OSBP2: variants seen among roughly 807,000 people sequenced by gnomAD.
OSBP2 encodes oxysterol binding protein 2.
In OSBP2, 66 loss-of-function variants were observed where a neutral mutation model predicts 96.0. The observed-to-expected ratio is 0.69, with a 90% CI of 0.56 to 0.84. The LOEUF (loss-of-function observed/expected upper bound fraction) is 0.84, where lower values mean the gene tolerates loss of function less well. Among genes scored for constraint, OSBP2 ranks in the 40% least tolerant of loss-of-function variants. The pLI, the probability that OSBP2 is intolerant of heterozygous loss-of-function variation, is 0.00. For synonymous variants in OSBP2, 525 were observed against 520.9 expected (o/e 1.01, Z -0.11); for missense variants, 1,038 against 1,222.7 (o/e 0.85, Z 2.25).
At chr22:30,889,375 C>G (rs1326373205) in intron 6 of OSBP2, 115 bp from the exon 7 acceptor site, 62 of 1,434,238 alleles carry the variant, frequency 4.3e-5, no homozygotes, top group Non-Finnish European at 5.5e-5. Context: ...CTTCCACCAG[C>G]AGCGTACCAG....
chr22:30,902,848 G>T, intron 12 of OSBP2: 1 of 321,738 alleles, frequency 3.1e-6, no homozygotes, highest in Non-Finnish European at 6.3e-6. Context: ...GAACCCCTGG[G>T]CCATGTTCCT....
At chr22:30,753,667 G>A (rs961470156) in intron 2 of OSBP2, among the ~76,000 whole-genome samples, 3 of 152,182 alleles carry the variant, frequency 2.0e-5, no homozygotes, top group Admixed American at 6.5e-5. Flanking sequence ...ACCACAGAGC[G>A]GGATGATGTG....
chr22:30,844,564 T>C, intron 2 of OSBP2: 1 of 154,912 alleles, frequency 6.5e-6, no homozygotes, highest in Non-Finnish European at 1.4e-5. Context: ...TTTCCTCACC[T>C]CTGTCAGCCT....
chr22:30,756,694 A>T (rs1479320622), intron 2 of OSBP2, among the ~76,000 whole-genome samples: 1 of 152,140 alleles, frequency 6.6e-6, no homozygotes, highest in Non-Finnish European at 1.5e-5. Flanking sequence ...CTCCATTAAA[A>T]AAACAAAACA....
chr22:30,902,264 G>A (rs1423012115), intron 12 of OSBP2: 44 of 1,587,186 alleles, frequency 2.8e-5, no homozygotes, highest in Non-Finnish European at 2.6e-6. Flanking sequence ...TATGGTTCAG[G>A]GCGACATAGA....
At chr22:30,819,034 T>G (rs6518715) in intron 2 of OSBP2, among the ~76,000 whole-genome samples, 1 of 152,124 alleles carries the variant, frequency 6.6e-6, no homozygotes, top group South Asian at 2.1e-4. Context: ...AACCTAGACC[T>G]GTTCAAAAGA....
chr22:30,783,349 TC>T (rs2090546293), intron 2 of OSBP2, among the ~76,000 whole-genome samples: 1 of 131,812 alleles, frequency 7.6e-6, no homozygotes. Context: ...AGAGTCTTGC[TC>T]TGTTGCCCAG....
At chr22:30,754,401 G>C (rs1011452780) in intron 2 of OSBP2, among the ~76,000 whole-genome samples, 1 of 152,198 alleles carries the variant, frequency 6.6e-6, no homozygotes, top group African/African-American at 2.4e-5. Context: ...TGTCCTGGGG[G>C]CTGAGCCAGA....
intron 2 of OSBP2, among the ~76,000 whole-genome samples, chr22:30,836,182 T>G (rs1315150802): frequency 1.3e-5 from 2 of 152,232 alleles, no homozygotes; most frequent in South Asian, 2.1e-4. Flanking sequence ...AGAACAATTT[T>G]TTCCCCTGCT....
At chr22:30,760,310 C>G (rs942893173) in intron 2 of OSBP2, among the ~76,000 whole-genome samples, 2 of 152,044 alleles carry the variant, frequency 1.3e-5, no homozygotes, top group African/African-American at 4.8e-5. Flanking sequence ...ATAAGGACAG[C>G]ATACCCTGAT....
intron 2 of OSBP2, among the ~76,000 whole-genome samples, chr22:30,758,059 T>G (rs2090162676): frequency 6.6e-6 from 1 of 152,192 alleles, no homozygotes; most frequent in Non-Finnish European, 1.5e-5. Flanking sequence ...TTCTGCTCAG[T>G]TCCAGTTCCA....
At chr22:30,750,836 C>A (rs1244651044) in intron 2 of OSBP2, among the ~76,000 whole-genome samples, 1 of 152,168 alleles carries the variant, frequency 6.6e-6, no homozygotes, top group East Asian at 1.9e-4. Context: ...CCTCTGCCTC[C>A]CAGGTTCGAG....
chr22:30,778,169 C>CTTTTTTTTTTTT (rs1569119423), intron 2 of OSBP2, among the ~76,000 whole-genome samples: 5,479 of 123,722 alleles, frequency 0.044, 976 homozygotes, highest in Non-Finnish European at 0.064. Context: ...TAATTTTTGC[C>CTTTTTTTTTTTT]CTTTTTTTTT....
At chr22:30,764,510 C>T in intron 2 of OSBP2, 3 of 516,078 alleles carry the variant, frequency 5.8e-6, no homozygotes, top group Non-Finnish European at 7.5e-6. Context: ...GGGAACCCTG[C>T]TGCCTGTGTG....
intron 2 of OSBP2, among the ~76,000 whole-genome samples, chr22:30,782,176 A>G (rs1280746044): frequency 6.6e-6 from 1 of 152,204 alleles, no homozygotes; most frequent in Non-Finnish European, 1.5e-5. Context: ...GGCAAGCAGT[A>G]AACTGCCTAT....
chr22:30,889,167 G>T lies in OSBP2; in HGVS notation c.1419-10G>T. 6.2e-7 allele frequency: 1 copy of T among 1,612,762 alleles called. No homozygotes were observed. Among genetic ancestry groups the T allele is most frequent in the Non-Finnish European group, 8.5e-7 (1 of 1,179,438 alleles). On this transcript the variant is annotated splice_polypyrimidine_tract_variant and intron_variant, in intron 5 of 13. Coordinates refer to ENST00000332585, the MANE Select transcript of OSBP2 (RefSeq NM_030758.4). ...TCATTAGTAACTTGCCTCCCGCTTT[G>T]TATTTCCAGCAGAAAAGCTGAAGGT...
At chr22:30,851,416 T>C (rs1021787084) in intron 2 of OSBP2, among the ~76,000 whole-genome samples, 6 of 152,154 alleles carry the variant, frequency 3.9e-5, no homozygotes, top group Non-Finnish European at 7.3e-5. Context: ...TTCAGAAAAA[T>C]GATTGTTATA....
chr22:30,788,718 T>C (rs1459178522), intron 2 of OSBP2, among the ~76,000 whole-genome samples: 1 of 152,110 alleles, frequency 6.6e-6, no homozygotes, highest in Non-Finnish European at 1.5e-5. Flanking sequence ...ATTTTATTTA[T>C]TTATTTATTT....
At chr22:30,717,841 T>C (rs11089471) in intron 1 of OSBP2, among the ~76,000 whole-genome samples, 5,497 of 152,174 alleles carry the variant, frequency 0.036, 183 homozygotes, top group South Asian at 0.12. Context: ...TCAGTGACAA[T>C]GGGTTGTGTG....
Sources: gnomAD v4.1 joint callset for allele counts (sites outside exome capture counted in the v4.1 genomes callset) on GRCh38, gnomAD v4.1.1 for gene constraint, MANE v1.5 for transcripts, NCBI Gene and HGNC (gene_info 2026-07-23, HGNC 2026-07-21) for gene names.